The following ADGRL2 variants were observed in gnomAD, a reference collection of about 807,000 sequenced individuals.
ADGRL2 encodes the protein adhesion G protein-coupled receptor L2, also known as calcium-independent alpha-latrotoxin receptor 2.
ADGRL2 carries 44 observed loss-of-function variants against 157.4 expected under a neutral mutation model. The ratio of observed to expected loss-of-function variants is 0.28; its 90% CI spans 0.22 to 0.36. ADGRL2 has a LOEUF of 0.36. ADGRL2 is among the 10% of genes least tolerant of loss of function. The probability of loss-of-function intolerance (pLI) is 1.00; values close to 1 mark genes in which losing one functional copy is unlikely to be tolerated. For missense variants in ADGRL2, 1,510 were observed against 1,768.9 expected (o/e 0.85, Z 2.63); for synonymous variants, 585 against 624.7 (o/e 0.94, Z 0.95).
At chr1:81,479,219 T>A (rs2078333813) in intron 2 of ADGRL2, among the ~76,000 whole-genome samples, 1 of 151,786 alleles carries the variant, frequency 6.6e-6, no homozygotes, top group Non-Finnish European at 1.5e-5. Context: ...ATGCCTGTAA[T>A]CCCAGCACTT....
At chr1:81,416,860 C>T (rs1324533872) in intron 1 of ADGRL2, among the ~76,000 whole-genome samples, 1 of 152,100 alleles carries the variant, frequency 6.6e-6, no homozygotes, top group African/African-American at 2.4e-5. Flanking sequence ...TCTTAAGAAG[C>T]ATCTTTGATT....
intron 2 of ADGRL2, among the ~76,000 whole-genome samples, chr1:81,559,757 T>A (rs900232840): frequency 6.6e-6 from 1 of 152,192 alleles, no homozygotes. Flanking sequence ...AATGTTTGAT[T>A]ATATTTTATT....
intron 1 of ADGRL2, among the ~76,000 whole-genome samples, chr1:81,346,593 T>C (rs2100802397): frequency 6.6e-6 from 1 of 152,258 alleles, no homozygotes; most frequent in South Asian, 2.1e-4. Context: ...TGTGACTTTA[T>C]AAGTAGAGAA....
intron 2 of ADGRL2, among the ~76,000 whole-genome samples, chr1:81,868,174 T>C (rs1466955466): frequency 6.6e-6 from 1 of 151,992 alleles, no homozygotes; most frequent in South Asian, 2.1e-4. Flanking sequence ...GGCATTGCAG[T>C]AGGCAGTGCT....
intron 1 of ADGRL2, among the ~76,000 whole-genome samples, chr1:81,433,685 G>A (rs773563725): frequency 1.3e-5 from 2 of 152,154 alleles, no homozygotes; most frequent in Non-Finnish European, 2.9e-5. Flanking sequence ...AATTATAATT[G>A]TTCCAATTAT....
chr1:81,745,854 T>C (rs2085228850), intron 1 of ADGRL2, among the ~76,000 whole-genome samples: 1 of 152,146 alleles, frequency 6.6e-6, no homozygotes, highest in South Asian at 2.1e-4. Context: ...GCTAGTTTTG[T>C]AGGTGAGGTC....
At chr1:81,945,695 T>G (rs1425674007) in intron 6 of ADGRL2, among the ~76,000 whole-genome samples, 1 of 152,070 alleles carries the variant, frequency 6.6e-6, no homozygotes. Flanking sequence ...ATGAGAAGCT[T>G]CGGCAGATGT....
chr1:81,355,317 C>G (rs1663202572), intron 1 of ADGRL2, among the ~76,000 whole-genome samples: 1 of 151,984 alleles, frequency 6.6e-6, no homozygotes. Context: ...CGAGATTGCA[C>G]CACTGCACTC....
chr1:81,483,696 G>A (rs1028799468), intron 2 of ADGRL2, among the ~76,000 whole-genome samples: 2 of 152,182 alleles, frequency 1.3e-5, no homozygotes, highest in Non-Finnish European at 2.9e-5. Flanking sequence ...AAAAATGGGA[G>A]AGATGTTAAC....
intron 2 of ADGRL2, among the ~76,000 whole-genome samples, chr1:81,762,198 A>G (rs1339338077): frequency 1.3e-5 from 2 of 152,178 alleles, no homozygotes; most frequent in Non-Finnish European, 2.9e-5. Context: ...GAGCAGAAAA[A>G]GAAAGCATTA....
chr1:81,814,202 TAAA>T (rs575031075), intron 1 of ADGRL2, among the ~76,000 whole-genome samples: 1 of 151,610 alleles, frequency 6.6e-6, no homozygotes, highest in African/African-American at 2.4e-5. Flanking sequence ...GAATTAATAA[TAAA>T]AAAATACGAA....
chr1:81,470,319 A>G (rs1436855319), intron 2 of ADGRL2, among the ~76,000 whole-genome samples: 2 of 152,178 alleles, frequency 1.3e-5, no homozygotes, highest in Non-Finnish European at 2.9e-5. Flanking sequence ...TGTTTCCTGC[A>G]TCAACTGAGC....
intron 2 of ADGRL2, among the ~76,000 whole-genome samples, chr1:81,481,460 T>A (rs1489473628): frequency 6.6e-6 from 1 of 152,166 alleles, no homozygotes; most frequent in African/African-American, 2.4e-5. Context: ...ATTGCAGGGA[T>A]GAGATGTGGC....
At chr1:81,510,980 T>C (rs2079065087) in intron 2 of ADGRL2, among the ~76,000 whole-genome samples, 1 of 152,144 alleles carries the variant, frequency 6.6e-6, no homozygotes, top group African/African-American at 2.4e-5. Flanking sequence ...CTGAATATAA[T>C]CAAAGCTTCA....
At chr1:81,330,443 C>A (rs988242912) in intron 1 of ADGRL2, among the ~76,000 whole-genome samples, 1 of 152,136 alleles carries the variant, frequency 6.6e-6, no homozygotes, top group African/African-American at 2.4e-5. Context: ...TGCTGGGGAA[C>A]ATACAGAGAA....
intron 1 of ADGRL2, among the ~76,000 whole-genome samples, chr1:81,394,584 T>C (rs2076621449): frequency 6.6e-6 from 1 of 152,236 alleles, no homozygotes; most frequent in African/African-American, 2.4e-5. Context: ...TGTGTATATA[T>C]ACCACATTTT....
chr1:81,664,953 C>T (rs1486159408), intron 3 of ADGRL2, among the ~76,000 whole-genome samples: 1 of 151,928 alleles, frequency 6.6e-6, no homozygotes, highest in Non-Finnish European at 1.5e-5. Context: ...GAACTTGAGG[C>T]TAAGAATACG....
chr1:81,762,926 C>A (rs1443916231), intron 2 of ADGRL2, among the ~76,000 whole-genome samples: 4 of 151,420 alleles, frequency 2.6e-5, no homozygotes, highest in Non-Finnish European at 4.4e-5. Context: ...GTGGTGAGCC[C>A]CTGTAGTCCC....
At chr1:81,456,557 T>C (rs1300907562) in intron 2 of ADGRL2, among the ~76,000 whole-genome samples, 1 of 152,134 alleles carries the variant, frequency 6.6e-6, no homozygotes, top group Non-Finnish European at 1.5e-5. Flanking sequence ...ATTCAAGTCA[T>C]TATTTATGTT....
Sources: gnomAD v4.1 joint callset for allele counts (sites outside exome capture counted in the v4.1 genomes callset) on GRCh38, gnomAD v4.1.1 for gene constraint, MANE v1.5 for transcripts, NCBI Gene and HGNC (gene_info 2026-07-23, HGNC 2026-07-21) for gene names.